Variants in CD6 observed in about 807,000 individuals in gnomAD.
CD6 encodes CD6 molecule.
In CD6, 53 loss-of-function variants were observed where a neutral mutation model predicts 75.3. The ratio of observed to expected loss-of-function variants is 0.70; its 90% CI spans 0.56 to 0.88. The LOEUF (loss-of-function observed/expected upper bound fraction) is 0.88, where lower values mean the gene tolerates loss of function less well. Ranked by LOEUF, CD6 falls within the 40% of genes least tolerant of loss-of-function variation. The pLI is 0.00. For synonymous variants in CD6, 359 were observed against 381.5 expected, an observed-to-expected ratio of 0.94 and a Z score of 0.69; for missense variants, 770 against 897.1, an observed-to-expected ratio of 0.86 and a Z score of 1.81.
At chr11:60,993,699 G>A (rs138133340) in intron 1 of CD6, among the ~76,000 whole-genome samples, 2 of 152,232 alleles carry the variant, frequency 1.3e-5, no homozygotes, top group East Asian at 1.9e-4. Context: ...CATGAAAGAC[G>A]AATTTCCCGA....
In CD6 at chr11:61,008,549, G is replaced by T. The variant is rs769650039; in HGVS notation, c.485G>T (p.Arg162Leu). 1.2e-6 allele frequency: 2 copies of T among 1,602,852 alleles called. No individual in the cohort carries two copies. The highest frequency in any genetic ancestry group is 1.7e-6 in the Non-Finnish European group (2 of 1,174,970). Reference protein sequence around the residue: ...RVTCAENRALRLVDGGGACAG... With the variant: ...RVTCAENRALLLVDGGGACAG... ...CCACCCCTAGAGAACCGCGCGCTGCGCCTGGTGGACGGTGGCGGCGCCTGC... is the reference window on the plus strand; with the variant it reads ...CCACCCCTAGAGAACCGCGCGCTGCTCCTGGTGGACGGTGGCGGCGCCTGC... Residue 162 changes from arginine (R) to leucine (L), a missense_variant, in exon 4 of 13, where the codon CGC becomes CTC. Physicochemically the swap from Arg to Leu is moderately radical, Grantham distance 102. Coordinates refer to ENST00000313421, the MANE Select transcript of CD6 (RefSeq NM_006725.5).
Position 61,019,391 on chromosome 11 carries a change from T to G in CD6, c.*73T>G. On this transcript the variant is annotated 3_prime_UTR_variant, in exon 13 of 13. Coordinates refer to ENST00000313421, the MANE Select transcript of CD6 (RefSeq NM_006725.5). ...CTGCTCTACCTACTCCCTTTCCCCT[T>G]TCCCACCCTCCCAGCTCACCTCCCC... 1 of 1,196,492 alleles carries G rather than the reference T, an allele frequency of 8.4e-7. No homozygotes were observed. The highest frequency in any genetic ancestry group is 1.2e-6 in the Non-Finnish European group (1 of 839,886). The allele number at this position is 1,196,492 out of a possible 1,614,324, so 74.1% of individuals were successfully genotyped here. A position where few individuals can be genotyped will look rare whatever the true frequency, so the allele number is the denominator to read the frequency against.
rs1859613444 is a variant in CD6 at position 61,020,349 on chromosome 11, C to T, written c.*1031C>T. ...GCTTTGTTGTCCTGCTCTGAGTATC[C>T]TGAGATTAAACTGAATTGCTGAATG... On this transcript the variant is annotated 3_prime_UTR_variant, in exon 13 of 13. Transcript: ENST00000313421. The T allele has an allele frequency of 7.5e-6, 3 of 398,808 alleles. No homozygotes were observed. The highest frequency in any genetic ancestry group is 1.3e-5 in the Non-Finnish European group (3 of 226,082). The allele number at this position is 398,808 out of a possible 1,614,324, so 24.7% of individuals were successfully genotyped here.
rs369823651 is a variant in CD6 at position 61,008,622 on chromosome 11, C to T, written c.558C>T (p.Cys186=). 28 of 1,607,902 alleles carry T rather than the reference C, an allele frequency of 1.7e-5. No individual in the cohort carries two copies. In the African/African-American group the frequency reaches 3.5e-4, roughly 20 times the overall value. The change falls in exon 4 of 13, where the codon TGC becomes TGT. Residue 186 remains cysteine (C), a synonymous_variant. Coordinates refer to ENST00000313421, the MANE Select transcript of CD6 (RefSeq NM_006725.5). ...MLEHGEWGSV[C]DDTWDLEDAH... is the part of the protein sequence containing the mutation. ...AGCATGGCGAGTGGGGATCAGTGTG[C>T]GATGACACTTGGGACCTGGAGGACG...
intron 1 of CD6, among the ~76,000 whole-genome samples, chr11:60,977,927 T>C (rs1176673938): frequency 1.3e-5 from 2 of 152,174 alleles, no homozygotes; most frequent in Non-Finnish European, 2.9e-5. Context: ...ATAAACATAA[T>C]GGAAATAAAA....
In CD6 at chr11:61,007,497, A is replaced by C; in HGVS notation, c.119-63A>C. 1 of 1,257,644 alleles carries C rather than the reference A, an allele frequency of 8.0e-7. No individual in the cohort carries two copies. The highest frequency in any genetic ancestry group is 1.0e-6 in the Non-Finnish European group (1 of 958,916). 77.9% of individuals were successfully genotyped at this position (1,257,644 alleles called of 1,614,324 possible). ...AAAGTTCACGCACAGAGTCAGTGGC[A>C]GAGCCTGGGCAACCCTCTGCCCAGG... On this transcript the variant is annotated intron_variant, in intron 2 of 12. Transcript: ENST00000313421. The surrounding 1 kb of genome is among the most constrained non-coding windows in gnomAD (Gnocchi z 4.2).
intron 1 of CD6, among the ~76,000 whole-genome samples, chr11:60,985,532 C>T (rs1204311963): frequency 6.6e-6 from 1 of 151,842 alleles, no homozygotes; most frequent in Non-Finnish European, 1.5e-5. Flanking sequence ...AGAAATCTGT[C>T]ACTATCATGT....
intron 1 of CD6, among the ~76,000 whole-genome samples, chr11:60,988,435 G>C (rs764237401): frequency 1.3e-5 from 2 of 152,180 alleles, no homozygotes; most frequent in Non-Finnish European, 2.9e-5. Flanking sequence ...GAACATCCCT[G>C]GTGCCTCCCC....
At position 61,007,709 on chromosome 11, in the gene CD6, G is replaced by A. The variant is rs879906657; in HGVS notation, c.268G>A (p.Gly90Arg). ...EAVCRALGCG[G>R]AEAASQLAPP... ...CGTGTGCCGAGCACTGGGCTGCGGC[G>A]GGGCGGAGGCCGCCTCTCAGCTCGC... Residue 90 changes from glycine (G) to arginine (R), a missense_variant, in exon 3 of 13, where the codon GGG becomes AGG. By Grantham distance (125) the Gly-to-Arg change is moderately radical. Transcript: ENST00000313421. This position sits in a 1 kb window ranked among gnomAD's most constrained non-coding sequence, Gnocchi z 4.2. 4.3e-6 allele frequency: 6 copies of A among 1,390,834 alleles called. No individual in the cohort carries two copies. Among genetic ancestry groups the A allele is most frequent in the Non-Finnish European group, 5.6e-6 (6 of 1,072,672 alleles). The allele number at this position is 1,390,834 out of a possible 1,614,324, so 86.2% of individuals were successfully genotyped here.
intron 1 of CD6, among the ~76,000 whole-genome samples, chr11:61,002,880 T>C (rs972290492): frequency 6.6e-6 from 1 of 152,226 alleles, no homozygotes; most frequent in Non-Finnish European, 1.5e-5. Flanking sequence ...AAACCACTTC[T>C]GCAATAACCA....
intron 1 of CD6, among the ~76,000 whole-genome samples, chr11:60,998,850 A>G (rs1858431708): frequency 2.7e-4 from 2 of 7,420 alleles, no homozygotes; most frequent in Non-Finnish European, 3.1e-4. Context: ...CACAAGGCAG[A>G]AAAAAAAAAA....
intron 1 of CD6, among the ~76,000 whole-genome samples, chr11:60,992,343 TA>T (rs1206974990): frequency 3.5e-5 from 5 of 143,850 alleles, no homozygotes; most frequent in East Asian, 2.2e-4. Flanking sequence ...TTTTTTTTTT[TA>T]TATATAACTA....
intron 1 of CD6, among the ~76,000 whole-genome samples, chr11:60,979,657 G>A (rs144940598): frequency 0.015 from 2,314 of 152,002 alleles, 62 homozygotes; most frequent in African/African-American, 0.053. Context: ...TAGTAGAGAC[G>A]GGGTTTCACC....
At chr11:60,971,966 G>C in intron 1 of CD6, 52 bp downstream of exon 1, 1 of 1,565,208 alleles carries the variant, frequency 6.4e-7, no homozygotes. Flanking sequence ...AGCCGGGTCC[G>C]GCCCTCTCAG....
intron 1 of CD6, among the ~76,000 whole-genome samples, chr11:60,988,755 T>C (rs530354226): frequency 6.6e-6 from 1 of 152,282 alleles, no homozygotes; most frequent in African/African-American, 2.4e-5. Context: ...GCATCACCCC[T>C]TGGAGCGGGG....
At chr11:60,985,846 C>T (rs1422804396) in intron 1 of CD6, among the ~76,000 whole-genome samples, 1 of 152,196 alleles carries the variant, frequency 6.6e-6, no homozygotes, top group Non-Finnish European at 1.5e-5. Context: ...AGTAGCAGCA[C>T]AATGAGACTT....
intron 1 of CD6, among the ~76,000 whole-genome samples, chr11:60,990,004 A>AT (rs532026046): frequency 1.2e-4 from 19 of 152,132 alleles, no homozygotes; most frequent in Non-Finnish European, 2.5e-4. Context: ...TTATTTTAAA[A>AT]TTTTTTTGTT....
At chr11:60,982,516 C>T in intron 1 of CD6, 1 of 449,650 alleles carries the variant, frequency 2.2e-6, no homozygotes, top group South Asian at 1.6e-5. Context: ...AGCAGGCGGG[C>T]GCGGGGAGAC....
At chr11:61,013,310 G>A (rs1590723591) in intron 6 of CD6, 113 bp from the exon 7 acceptor site, 1 of 1,230,564 alleles carries the variant, frequency 8.1e-7, no homozygotes, top group East Asian at 2.3e-5. Flanking sequence ...AAGGAAGCAA[G>A]GAGGAAGATA....
Sources: gnomAD v4.1 joint callset for allele counts (sites outside exome capture counted in the v4.1 genomes callset) on GRCh38, gnomAD v4.1.1 for gene constraint, Gnocchi (gnomAD v3.1) non-coding constraint, MANE v1.5 for transcripts, NCBI Gene and HGNC (gene_info 2026-07-23, HGNC 2026-07-21) for gene names.